APBA1: variants seen among roughly 807,000 people sequenced by gnomAD.
APBA1 encodes amyloid-beta A4 precursor protein-binding family A member 1.
A neutral mutation model predicts 86.6 loss-of-function variants in APBA1; 55 were observed. The ratio of observed to expected loss-of-function variants is 0.64; its 90% CI spans 0.51 to 0.80. The LOEUF (loss-of-function observed/expected upper bound fraction) is 0.80. Among genes scored for constraint, APBA1 ranks in the 30% least tolerant of loss-of-function variants. The pLI, the probability that APBA1 is intolerant of heterozygous loss-of-function variation, is 0.00. For missense variants in APBA1, 1,090 were observed against 1,183.0 expected, an observed-to-expected ratio of 0.92 and a Z score of 1.15; for synonymous variants, 511 against 493.9, an observed-to-expected ratio of 1.03 and a Z score of -0.46.
intron 5 of APBA1, among the ~76,000 whole-genome samples, chr9:69,459,583 C>T (rs1296334957): frequency 1.3e-5 from 2 of 152,196 alleles, no homozygotes; most frequent in Admixed American, 6.5e-5. Flanking sequence ...ATGTAGTTTA[C>T]ACCTAACTAA....
At position 69,440,848 on chromosome 9, in the gene APBA1, C is replaced by T. The variant is rs1043402697; in HGVS notation, c.2301+148G>A. On this transcript the variant is annotated intron_variant, in intron 11 of 12. Transcript: ENST00000265381. ...GAACCTGGTACCTCAGTTGGAAATG[C>T]AGAAATTACCCGTCTTCTGCATCAC... 18 of 1,092,952 alleles carry T rather than the reference C, an allele frequency of 1.6e-5. No individual in the cohort carries two copies. In the African/African-American group the frequency reaches 1.7e-4, roughly 10 times the overall value. 67.7% of individuals were successfully genotyped at this position (1,092,952 alleles called of 1,614,324 possible). A position where few individuals can be genotyped will look rare whatever the true frequency, so the allele number is the denominator to read the frequency against.
At chr9:69,574,284 G>C (rs1821734549) in intron 1 of APBA1, among the ~76,000 whole-genome samples, 1 of 152,170 alleles carries the variant, frequency 6.6e-6, no homozygotes, top group Non-Finnish European at 1.5e-5. Flanking sequence ...ATAGTTCTGA[G>C]CATGCCCAAG....
chr9:69,453,117 G>C (rs1040852535), intron 8 of APBA1, among the ~76,000 whole-genome samples: 7 of 152,032 alleles, frequency 4.6e-5, no homozygotes, highest in Admixed American at 4.6e-4. Context: ...TTGTAATATG[G>C]TTTTATTTTA....
At position 69,517,120 on chromosome 9, in the gene APBA1, G is replaced by T; in HGVS notation, c.91C>A (p.His31Asn). ...VNESVEADLEHPEVEEEQQQP... is the reference protein window; with the variant it reads ...VNESVEADLENPEVEEEQQQP... Reference sequence around the variant, plus strand: ...TGCTGTTCCTCTTCCACCTCGGGGTGCTCCAGGTCGGCCTCCACCGACTCG... The same window carrying T: ...TGCTGTTCCTCTTCCACCTCGGGGTTCTCCAGGTCGGCCTCCACCGACTCG... Residue 31 changes from histidine to asparagine, a missense_variant, in exon 2 of 13, where the codon CAC becomes AAC. Coordinates refer to ENST00000265381, the MANE Select transcript of APBA1 (RefSeq NM_001163.4). 1.3e-6 allele frequency: 2 copies of T among 1,572,078 alleles called. No homozygotes were observed.
chr9:69,431,848 G>A (rs1417341802), intron 12 of APBA1, among the ~76,000 whole-genome samples: 1 of 152,152 alleles, frequency 6.6e-6, no homozygotes, highest in Admixed American at 6.5e-5. Context: ...AGCAATGAAT[G>A]ACAGCAGTGT....
At chr9:69,655,770 G>A (rs1823596099) in intron 1 of APBA1, among the ~76,000 whole-genome samples, 1 of 151,656 alleles carries the variant, frequency 6.6e-6, no homozygotes, top group African/African-American at 2.4e-5. Context: ...AAGCGATCTT[G>A]AGAAAAAGAA....
chr9:69,638,225 A>ATTTTGT (rs372887935), intron 1 of APBA1, among the ~76,000 whole-genome samples: 24 of 152,152 alleles, frequency 1.6e-4, no homozygotes, highest in South Asian at 8.3e-4. Context: ...TCAAGTGCAT[A>ATTTTGT]TTTTGTTTTT....
chr9:69,501,648 AC>A (rs1835881668), intron 2 of APBA1, among the ~76,000 whole-genome samples: 1 of 149,014 alleles, frequency 6.7e-6, no homozygotes, highest in Admixed American at 6.7e-5. Context: ...ACACACACAC[AC>A]ACACACACAC....
chr9:69,569,377 A>G (rs1165138709), intron 1 of APBA1, among the ~76,000 whole-genome samples: 1 of 152,132 alleles, frequency 6.6e-6, no homozygotes, highest in Non-Finnish European at 1.5e-5. Flanking sequence ...TCTAGTGTAC[A>G]GGAGGGCTAT....
Position 69,552,376 on chromosome 9 carries a change from T to C in APBA1, c.-69-35097A>G, listed in dbSNP as rs138019127. On this transcript the variant is annotated intron_variant, in intron 1 of 12. Transcript: ENST00000265381. ...GAGTAATCAGCTAATGGCTCATTAT[T>C]TATGTATAAAATGAAGATGTCCTGC... 3.7e-4 allele frequency among the ~76,000 whole-genome samples: 56 copies of C among 152,300 alleles called. No homozygotes were observed. The East Asian group carries it at 8.3e-3, about 23-fold the overall frequency.
intron 1 of APBA1, among the ~76,000 whole-genome samples, chr9:69,664,162 G>C (rs1823804453): frequency 6.6e-6 from 1 of 152,130 alleles, no homozygotes; most frequent in South Asian, 2.1e-4. Flanking sequence ...CACAAGATAG[G>C]GATACTTCTG....
intron 1 of APBA1, among the ~76,000 whole-genome samples, chr9:69,630,326 A>G (rs749720759): frequency 1.3e-5 from 2 of 152,180 alleles, no homozygotes; most frequent in African/African-American, 4.8e-5. Flanking sequence ...AATTGAGTCA[A>G]CAGGCCAACT....
intron 2 of APBA1, among the ~76,000 whole-genome samples, chr9:69,481,833 T>A (rs933256196): frequency 2.2e-4 from 33 of 152,116 alleles, no homozygotes; most frequent in African/African-American, 7.5e-4. Flanking sequence ...TACAACTATC[T>A]GATCTTTGAC....
At chr9:69,596,213 C>T (rs1233119478) in intron 1 of APBA1, among the ~76,000 whole-genome samples, 1 of 152,148 alleles carries the variant, frequency 6.6e-6, no homozygotes, top group East Asian at 1.9e-4. Flanking sequence ...CATTGAACTC[C>T]TGGGCTCAAG....
chr9:69,558,543 CAT>C (rs1554701104), intron 1 of APBA1, among the ~76,000 whole-genome samples: 11 of 137,140 alleles, frequency 8.0e-5, no homozygotes, highest in African/African-American at 2.8e-4. Flanking sequence ...TACACACACA[CAT>C]ACACACACAC....
chr9:69,536,168 T>C (rs1479371769), intron 1 of APBA1, among the ~76,000 whole-genome samples: 1 of 152,056 alleles, frequency 6.6e-6, no homozygotes, highest in Non-Finnish European at 1.5e-5. Flanking sequence ...CATTTCCACA[T>C]TTTTTCCTAT....
chr9:69,572,653 A>G (rs1837134125), intron 1 of APBA1, among the ~76,000 whole-genome samples: 1 of 152,078 alleles, frequency 6.6e-6, no homozygotes, highest in Non-Finnish European at 1.5e-5. Flanking sequence ...GGAGTCCTGG[A>G]GCCCCCAGTA....
At chr9:69,491,623 A>T (rs1340136565) in intron 2 of APBA1, among the ~76,000 whole-genome samples, 2 of 151,674 alleles carry the variant, frequency 1.3e-5, no homozygotes, top group African/African-American at 2.4e-5. Flanking sequence ...AAAAAAGAAA[A>T]TCAATCAACT....
At chr9:69,441,444 C>G (rs1834822457) in intron 10 of APBA1, among the ~76,000 whole-genome samples, 2 of 152,306 alleles carry the variant, frequency 1.3e-5, no homozygotes, top group Admixed American at 6.5e-5. Context: ...TATCAGATGT[C>G]CTTTTTGGCT....
Sources: gnomAD v4.1 joint callset for allele counts (sites outside exome capture counted in the v4.1 genomes callset) on GRCh38, gnomAD v4.1.1 for gene constraint, MANE v1.5 for transcripts, NCBI Gene and HGNC (gene_info 2026-07-23, HGNC 2026-07-21) for gene names.